The following GLIS3 variants were observed in gnomAD, a reference collection of about 807,000 sequenced individuals.
GLIS3 encodes the protein GLIS family zinc finger 3.
Under a neutral mutation model 78.6 loss-of-function variants are expected in GLIS3, and 53 were observed. The ratio of observed to expected loss-of-function variants is 0.67; its 90% CI spans 0.54 to 0.85. The LOEUF (loss-of-function observed/expected upper bound fraction) is 0.85. Ranked by LOEUF, GLIS3 falls within the 40% of genes least tolerant of loss-of-function variation. The probability of loss-of-function intolerance (pLI) is 0.00; values close to 1 mark genes in which losing one functional copy is unlikely to be tolerated. For synonymous variants in GLIS3, 684 were observed against 509.9 expected (o/e 1.34, Z -4.60); for missense variants, 1,703 against 1,231.1 (o/e 1.38, Z -5.74).
intron 2 of GLIS3, among the ~76,000 whole-genome samples, chr9:4,236,158 G>C (rs1311346798): frequency 9.6e-6 from 1 of 103,880 alleles, no homozygotes; most frequent in African/African-American, 3.6e-5. Flanking sequence ...CCTGGCCACA[G>C]CTAGGAAAAC....
At chr9:4,484,953 CT>C in the GLIS3 span, among the ~76,000 whole-genome samples, 3 of 142,704 alleles carry the variant, frequency 2.1e-5, no homozygotes, top group Admixed American at 1.5e-4. Flanking sequence ...CAATTTACTC[CT>C]GTAGATAACA....
chr9:4,165,445 GACAAA>G (rs1333880563), intron 2 of GLIS3, among the ~76,000 whole-genome samples: 2 of 152,134 alleles, frequency 1.3e-5, no homozygotes, highest in African/African-American at 4.8e-5. Flanking sequence ...CCGTCTCAAA[GACAAA>G]ACAAAACAAA....
chr9:4,268,626 A>G (rs1020978113), intron 2 of GLIS3, among the ~76,000 whole-genome samples: 2 of 152,242 alleles, frequency 1.3e-5, no homozygotes, highest in African/African-American at 2.4e-5. Flanking sequence ...ATTCATAGGT[A>G]TAATCCCTGA....
the GLIS3 span, among the ~76,000 whole-genome samples, chr9:4,440,737 A>G: frequency 2.6e-5 from 4 of 152,148 alleles, no homozygotes; most frequent in Non-Finnish European, 5.9e-5. Context: ...GATTTTGTAG[A>G]TCACTTCAGG....
chr9:3,888,557 C>T (rs1483339138), intron 7 of GLIS3, among the ~76,000 whole-genome samples: 1 of 152,208 alleles, frequency 6.6e-6, no homozygotes, highest in Non-Finnish European at 1.5e-5. Context: ...AATGAAGTAA[C>T]AACAGCCCTT....
At chr9:4,379,721 A>C in the GLIS3 span, among the ~76,000 whole-genome samples, 1 of 152,212 alleles carries the variant, frequency 6.6e-6, no homozygotes, top group African/African-American at 2.4e-5. Flanking sequence ...CAGGGAATAA[A>C]ACATATTCAT....
In GLIS3 at chr9:4,320,028, C is replaced by T. The variant is rs575931513; in HGVS notation, n.265-9500G>A. 7.0e-3 allele frequency among the ~76,000 whole-genome samples: 987 copies of T among 140,958 alleles called. 15 individuals carry two copies. The highest frequency in any genetic ancestry group is 0.024 in the African/African-American group (933 of 39,090). 92.5% of individuals were successfully genotyped at this position (140,958 alleles called of 152,430 possible). On this transcript the variant is annotated intron_variant and non_coding_transcript_variant, in intron 2 of 4. Coordinates refer to the GLIS3 transcript ENST00000471664. ...GTGTGTGTGTGTGTGTGTGTGTGCG[C>T]GCGCACAAGAGTCAAATTAGTTGCT...
intron 2 of GLIS3, among the ~76,000 whole-genome samples, chr9:4,171,289 C>A (rs900417257): frequency 1.3e-4 from 20 of 152,084 alleles, no homozygotes; most frequent in Non-Finnish European, 2.8e-4. Context: ...TAGGGAATAG[C>A]TTAAGTTAAG....
At chr9:4,165,339 G>A (rs912508713) in intron 2 of GLIS3, among the ~76,000 whole-genome samples, 10 of 152,178 alleles carry the variant, frequency 6.6e-5, no homozygotes, top group Non-Finnish European at 1.3e-4. Context: ...TACTCGGGAG[G>A]CTGAGGCAGG....
intron 4 of GLIS3, among the ~76,000 whole-genome samples, chr9:3,984,508 C>T (rs1819567911): frequency 6.6e-6 from 1 of 152,206 alleles, no homozygotes; most frequent in African/African-American, 2.4e-5. Context: ...TGTATTTACC[C>T]AATGCCTGTA....
At chr9:4,436,921 G>C in the GLIS3 span, among the ~76,000 whole-genome samples, 1 of 151,138 alleles carries the variant, frequency 6.6e-6, no homozygotes, top group African/African-American at 2.4e-5. Flanking sequence ...AATGGAGAGA[G>C]AACAGGAACT....
chr9:4,297,532 C>A (rs1170615366), intron 1 of GLIS3, among the ~76,000 whole-genome samples: 2 of 152,206 alleles, frequency 1.3e-5, no homozygotes, highest in Non-Finnish European at 2.9e-5. Context: ...CCCCAACTCT[C>A]GGGAGATGCT....
intron 2 of GLIS3, among the ~76,000 whole-genome samples, chr9:4,262,600 T>A (rs1825631196): frequency 6.6e-6 from 1 of 152,184 alleles, no homozygotes; most frequent in African/African-American, 2.4e-5. Context: ...ACTTAGTAAC[T>A]ATTTGAAAAG....
chr9:4,365,053 A>C, the GLIS3 span, among the ~76,000 whole-genome samples: 1 of 152,190 alleles, frequency 6.6e-6, no homozygotes, highest in Non-Finnish European at 1.5e-5. Context: ...CTTTCAAGAC[A>C]ATTTCTTTGT....
chr9:3,997,949 C>T (rs1820860723), intron 4 of GLIS3, among the ~76,000 whole-genome samples: 1 of 151,654 alleles, frequency 6.6e-6, no homozygotes, highest in South Asian at 2.1e-4. Context: ...TACATAAAAC[C>T]CCTACAGAAA....
intron 4 of GLIS3, among the ~76,000 whole-genome samples, chr9:4,056,555 C>G (rs982818813): frequency 6.6e-6 from 1 of 151,808 alleles, no homozygotes. Flanking sequence ...TTCTACGAAG[C>G]CAGACTTTGG....
the GLIS3 span, among the ~76,000 whole-genome samples, chr9:4,354,588 GCA>G: frequency 6.6e-6 from 1 of 152,126 alleles, no homozygotes; most frequent in Non-Finnish European, 1.5e-5. Context: ...ATTGTCCCAG[GCA>G]CAGTTTAGCA....
chr9:4,331,895 G>C (rs146700292), intron 2 of GLIS3, among the ~76,000 whole-genome samples: 5 of 152,272 alleles, frequency 3.3e-5, no homozygotes, highest in African/African-American at 1.2e-4. Context: ...GGAACAAAAA[G>C]AAATTCAAAA....
At chr9:3,969,733 T>C (rs1818237360) in intron 4 of GLIS3, among the ~76,000 whole-genome samples, 1 of 152,170 alleles carries the variant, frequency 6.6e-6, no homozygotes. Context: ...TTGGGTCCCT[T>C]GTTTCTGAGT....
Sources: gnomAD v4.1 joint callset for allele counts (sites outside exome capture counted in the v4.1 genomes callset) on GRCh38, gnomAD v4.1.1 for gene constraint, MANE v1.5 for transcripts, NCBI Gene and HGNC (gene_info 2026-07-23, HGNC 2026-07-21) for gene names.